Variants in CASK observed in about 807,000 individuals in gnomAD.
CASK encodes the protein calcium/calmodulin dependent serine protein kinase.
A neutral mutation model predicts 82.9 loss-of-function variants in CASK; 4 were observed. The ratio of observed to expected loss-of-function variants is 0.05; its 90% CI spans 0.02 to 0.11. CASK has a LOEUF of 0.11. CASK is among the 10% of genes least tolerant of loss of function. The pLI is 1.00. For synonymous variants in CASK, 259 were observed against 253.5 expected (o/e 1.02, Z -0.20); for missense variants, 358 against 720.9 (o/e 0.50, Z 5.76).
chrX:41,578,436 G>A lies in CASK; in HGVS notation c.1407C>T (p.Asn469=), dbSNP rs763079248. ...CGTTAGCACTTTCTGGAGAATCGCCGTTTAAATAGGGAGAGGTGGGAGGAG... is the reference window on the plus strand; with the variant it reads ...CGTTAGCACTTTCTGGAGAATCGCCATTTAAATAGGGAGAGGTGGGAGGAG... ...VTPPPTSPYL[N]GDSPESANGD... Residue 469 remains asparagine, a synonymous_variant, in exon 15 of 27, where the codon AAC becomes AAT. Coordinates refer to ENST00000378163, the MANE Select transcript of CASK (RefSeq NM_001367721.1). 16 of 1,199,845 alleles carry A rather than the reference G, an allele frequency of 1.3e-5. No homozygotes were observed. The highest frequency in any genetic ancestry group is 7.1e-5 in the South Asian group (4 of 56,513).
chrX:41,851,107 G>A (rs766158421), intron 2 of CASK, among the ~76,000 whole-genome samples: 11 of 111,723 alleles, frequency 9.8e-5, no homozygotes, highest in African/African-American at 3.6e-4. Flanking sequence ...ACTAAACTCC[G>A]ACCAAAATCA....
chrX:41,851,017 G>A (rs1449392255), intron 2 of CASK, among the ~76,000 whole-genome samples: 1 of 111,324 alleles, frequency 9.0e-6, no homozygotes, highest in Non-Finnish European at 1.9e-5. Flanking sequence ...ATACTGAGTC[G>A]CTGTGCTAAA....
At chrX:41,829,713 A>G (rs2070750811) in intron 2 of CASK, among the ~76,000 whole-genome samples, 1 of 16,223 alleles carries the variant, frequency 6.2e-5, no homozygotes, top group Non-Finnish European at 9.1e-5. Flanking sequence ...ATATATATAT[A>G]TATATATATA....
intron 2 of CASK, 64 bp from the exon 3 acceptor site, chrX:41,787,347 G>T: frequency 4.7e-6 from 3 of 641,604 alleles, no homozygotes; most frequent in Non-Finnish European, 7.9e-6. Context: ...AGTGAATGAT[G>T]AATGAATGGA....
intron 5 of CASK, among the ~76,000 whole-genome samples, chrX:41,723,408 G>A (rs748787218): frequency 1.8e-5 from 2 of 111,831 alleles, no homozygotes; most frequent in South Asian, 7.4e-4. Flanking sequence ...AAAAAAATTG[G>A]TTTCACAATT....
intron 5 of CASK, among the ~76,000 whole-genome samples, chrX:41,694,633 C>T (rs916882737): frequency 8.9e-6 from 1 of 112,036 alleles, no homozygotes; most frequent in African/African-American, 3.2e-5. Context: ...TTCCCATCTA[C>T]GTTATTACTC....
chrX:41,811,282 C>T (rs1440714919), intron 2 of CASK, among the ~76,000 whole-genome samples: 2 of 112,308 alleles, frequency 1.8e-5, no homozygotes, highest in Non-Finnish European at 3.8e-5. Context: ...AATATACATT[C>T]TTCTCAGCAC....
In CASK at chrX:41,705,812, C is replaced by T. The variant is rs1347351582; in HGVS notation, c.429+33572G>A. Among the ~76,000 whole-genome samples, 6 of 111,481 alleles carry T rather than the reference C, an allele frequency of 5.4e-5. No homozygotes were observed. In the East Asian group the frequency reaches 1.7e-3, roughly 31 times the overall value. On this transcript the variant is annotated intron_variant, in intron 5 of 26. Transcript: ENST00000378163. ...ATACTGCTGGCATAGCTATTATAGG[C>T]CCTTTGCAGACAGTTCCTTCCTACA...
intron 5 of CASK, among the ~76,000 whole-genome samples, chrX:41,735,087 T>C (rs1286638904): frequency 9.0e-6 from 1 of 111,001 alleles, no homozygotes; most frequent in Non-Finnish European, 1.9e-5. Context: ...CCTTGGGAAA[T>C]GTAATGCTTT....
At chrX:41,858,050 T>C (rs1260400249) in intron 1 of CASK, among the ~76,000 whole-genome samples, 4 of 112,479 alleles carry the variant, frequency 3.6e-5, no homozygotes, top group Non-Finnish European at 7.5e-5. Context: ...ATAAATTACT[T>C]GCCATGCACA....
At chrX:41,597,651 T>C (rs370392508) in intron 12 of CASK, among the ~76,000 whole-genome samples, 1 of 112,060 alleles carries the variant, frequency 8.9e-6, no homozygotes, top group African/African-American at 3.2e-5. Context: ...ACTGAGCAGA[T>C]CAGCCATCAA....
intron 5 of CASK, among the ~76,000 whole-genome samples, chrX:41,711,579 G>A (rs980147169): frequency 2.7e-5 from 3 of 110,796 alleles, no homozygotes; most frequent in African/African-American, 9.9e-5. Flanking sequence ...TACATGTCCC[G>A]GGTAAATCCA....
chrX:41,537,028 T>C (rs1041388763), intron 22 of CASK, among the ~76,000 whole-genome samples: 3 of 112,107 alleles, frequency 2.7e-5, no homozygotes, highest in African/African-American at 9.7e-5. Flanking sequence ...AGCAAGATGA[T>C]GATGATGACA....
At position 41,641,938 on chromosome X, in the gene CASK, C is replaced by T. The variant is rs188364589; in HGVS notation, c.832-5277G>A. 8.6e-4 allele frequency among the ~76,000 whole-genome samples: 86 copies of T among 100,523 alleles called. 1 individual carries two copies. The highest frequency in any genetic ancestry group is 3.0e-3 in the African/African-American group (82 of 27,312). 87.3% of individuals were successfully genotyped at this position (100,523 alleles called of 115,157 possible). ...AGGCCCCAGTGTGTGATGTTCCCCA[C>T]CCTGTGTCCAAGTGTTCTCATTGTT... On this transcript the variant is annotated intron_variant, in intron 8 of 26. Transcript: ENST00000378163.
chrX:41,776,414 T>G lies in CASK; in HGVS notation c.278+10764A>C, dbSNP rs1023629821. Reference sequence around the variant, plus strand: ...CATGATCCATTCATGCTTAGCAAACTCTAAGATCAGAAATAAGCAGAGATA... The same window carrying G: ...CATGATCCATTCATGCTTAGCAAACGCTAAGATCAGAAATAAGCAGAGATA... On this transcript the variant is annotated intron_variant, in intron 3 of 26. Transcript: ENST00000378163. Among the ~76,000 whole-genome samples, 3 of 112,724 alleles carry G rather than the reference T, an allele frequency of 2.7e-5. No homozygotes were observed. In the Admixed American group the frequency reaches 2.8e-4, roughly 11 times the overall value.
chrX:41,664,220 C>T (rs1364028454), intron 7 of CASK, among the ~76,000 whole-genome samples: 1 of 112,202 alleles, frequency 8.9e-6, no homozygotes, highest in African/African-American at 3.2e-5. Context: ...ATATACCATT[C>T]TCATCTCCAT....
intron 2 of CASK, among the ~76,000 whole-genome samples, chrX:41,822,576 A>AAAAAAAG (rs1569459808): frequency 4.6e-5 from 5 of 108,092 alleles, no homozygotes; most frequent in African/African-American, 1.7e-4. Flanking sequence ...AAAAAAAAAA[A>AAAAAAAG]AAAAAAGAAA....
intron 1 of CASK, among the ~76,000 whole-genome samples, chrX:41,880,170 T>C (rs752904222): frequency 8.9e-6 from 1 of 111,779 alleles, no homozygotes; most frequent in African/African-American, 3.2e-5. Flanking sequence ...TCAGCACTTC[T>C]AAAAGTGAAG....
chrX:41,675,331 G>C (rs1483688550), intron 5 of CASK, among the ~76,000 whole-genome samples: 1 of 111,770 alleles, frequency 8.9e-6, no homozygotes, highest in Non-Finnish European at 1.9e-5. Flanking sequence ...CCTTGTAAGT[G>C]CTCCAAACCT....
Sources: gnomAD v4.1 joint callset for allele counts (sites outside exome capture counted in the v4.1 genomes callset) on GRCh38, gnomAD v4.1.1 for gene constraint, MANE v1.5 for transcripts, NCBI Gene and HGNC (gene_info 2026-07-23, HGNC 2026-07-21) for gene names.